Variants in GRID2 observed in about 807,000 individuals in gnomAD.
GRID2 encodes glutamate receptor ionotropic, delta-2.
A neutral mutation model predicts 114.8 loss-of-function variants in GRID2; 33 were observed. That is an observed-to-expected ratio of 0.29 (90% CI 0.22 to 0.38). GRID2 has a LOEUF of 0.38. Ranked by LOEUF, GRID2 falls within the 10% of genes least tolerant of loss-of-function variation. The probability of loss-of-function intolerance (pLI) is 1.00; values close to 1 mark genes in which losing one functional copy is unlikely to be tolerated. For missense variants in GRID2, 1,184 were observed against 1,257.7 expected (o/e 0.94, Z 0.89); for synonymous variants, 505 against 449.9 (o/e 1.12, Z -1.55).
intron 8 of GRID2, among the ~76,000 whole-genome samples, chr4:93,261,463 T>G (rs2149550063): frequency 6.6e-6 from 1 of 151,848 alleles, no homozygotes; most frequent in Admixed American, 6.6e-5. Context: ...TGAAATCCTA[T>G]AATTAAGCAC....
At chr4:93,185,348 A>G (rs1193886658) in intron 4 of GRID2, among the ~76,000 whole-genome samples, 2 of 152,130 alleles carry the variant, frequency 1.3e-5, no homozygotes, top group Admixed American at 1.3e-4. Flanking sequence ...TCTTTTATTT[A>G]CCCTGGGAAT....
intron 14 of GRID2, among the ~76,000 whole-genome samples, chr4:93,678,087 C>G (rs1321071055): frequency 1.3e-5 from 2 of 152,166 alleles, no homozygotes; most frequent in East Asian, 3.9e-4. Flanking sequence ...CTTAAAGGAG[C>G]TGATGGAGCC....
At chr4:93,515,650 C>T (rs1356102124) in intron 13 of GRID2, among the ~76,000 whole-genome samples, 1 of 152,122 alleles carries the variant, frequency 6.6e-6, no homozygotes, top group African/African-American at 2.4e-5. Flanking sequence ...CAAATACACA[C>T]ACTGGTATTT....
chr4:93,173,828 T>C (rs765184847), intron 4 of GRID2, among the ~76,000 whole-genome samples: 4 of 152,090 alleles, frequency 2.6e-5, no homozygotes, highest in Non-Finnish European at 5.9e-5. Flanking sequence ...GACAGGGTCT[T>C]GCTATTTGCC....
In GRID2 at chr4:93,596,142, G is replaced by A. The variant is rs558561070; in HGVS notation, c.2194-30127G>A. On this transcript the variant is annotated intron_variant, in intron 13 of 15. Transcript: ENST00000282020. ...TGTTTATTATCTAGTTCACTATTGA[G>A]CCATTCAGATACAAATTAGCCCTAG... 4.3e-4 allele frequency among the ~76,000 whole-genome samples: 66 copies of A among 152,206 alleles called. No individual in the cohort carries two copies. The South Asian group carries it at 0.013, about 30-fold the overall frequency.
intron 13 of GRID2, among the ~76,000 whole-genome samples, chr4:93,546,092 TAAGA>T (rs1733184395): frequency 6.6e-6 from 1 of 152,210 alleles, no homozygotes; most frequent in Admixed American, 6.5e-5. Context: ...GAGATTGCTC[TAAGA>T]AAGACCTGAT....
At chr4:92,429,992 A>C (rs2110339062) in intron 1 of GRID2, among the ~76,000 whole-genome samples, 1 of 152,230 alleles carries the variant, frequency 6.6e-6, no homozygotes, top group Non-Finnish European at 1.5e-5. Flanking sequence ...CTCCTTATAT[A>C]TCTGGTTATT....
chr4:93,537,378 A>G (rs1224339875), intron 13 of GRID2, among the ~76,000 whole-genome samples: 2 of 151,788 alleles, frequency 1.3e-5, no homozygotes, highest in Admixed American at 6.6e-5. Context: ...GATTTTGCCT[A>G]CAAGGAATTT....
intron 8 of GRID2, among the ~76,000 whole-genome samples, chr4:93,243,889 ATT>A (rs1331044908): frequency 6.6e-6 from 1 of 152,074 alleles, no homozygotes; most frequent in Admixed American, 6.6e-5. Context: ...TCAAAGTCAA[ATT>A]TTGAAATCGC....
chr4:92,425,387 T>C (rs570776595), intron 1 of GRID2, among the ~76,000 whole-genome samples: 1 of 151,956 alleles, frequency 6.6e-6, no homozygotes, highest in Non-Finnish European at 1.5e-5. Context: ...AAAAACACAA[T>C]GGAATAAAAA....
chr4:92,859,390 A>T (rs1000166960), intron 2 of GRID2, among the ~76,000 whole-genome samples: 6 of 152,182 alleles, frequency 3.9e-5, no homozygotes, highest in African/African-American at 1.2e-4. Context: ...GAAACCAAAA[A>T]ATTCATGTAA....
At chr4:92,535,087 T>G (rs1182723755) in intron 1 of GRID2, among the ~76,000 whole-genome samples, 1 of 152,208 alleles carries the variant, frequency 6.6e-6, no homozygotes, top group African/African-American at 2.4e-5. Flanking sequence ...ATGGGCTAAC[T>G]ATCCAGTTTT....
chr4:92,901,784 CA>C (rs1183836952), intron 2 of GRID2, among the ~76,000 whole-genome samples: 2 of 151,664 alleles, frequency 1.3e-5, no homozygotes, highest in Non-Finnish European at 2.9e-5. Flanking sequence ...AGGATATTTG[CA>C]TGTATGTTTA....
chr4:93,629,845 T>G (rs903266445), intron 14 of GRID2, among the ~76,000 whole-genome samples: 1 of 152,168 alleles, frequency 6.6e-6, no homozygotes, highest in Non-Finnish European at 1.5e-5. Flanking sequence ...CCAGACGTCT[T>G]ATATGTTTAT....
chr4:93,289,513 C>T (rs1753519500), intron 8 of GRID2, among the ~76,000 whole-genome samples: 1 of 152,044 alleles, frequency 6.6e-6, no homozygotes, highest in African/African-American at 2.4e-5. Flanking sequence ...AATTAGGTTT[C>T]CTCCAGTTCA....
intron 2 of GRID2, among the ~76,000 whole-genome samples, chr4:92,693,966 A>G (rs1277522761): frequency 6.6e-6 from 1 of 152,130 alleles, no homozygotes; most frequent in Non-Finnish European, 1.5e-5. Flanking sequence ...GTTAAGAAAT[A>G]AGGGAGAGGT....
chr4:93,633,471 C>G (rs1721128062), intron 14 of GRID2, among the ~76,000 whole-genome samples: 1 of 152,088 alleles, frequency 6.6e-6, no homozygotes, highest in Non-Finnish European at 1.5e-5. Context: ...TTGTACATCT[C>G]TAGTGCCCAC....
At chr4:92,393,052 T>A (rs999588248) in intron 1 of GRID2, among the ~76,000 whole-genome samples, 1 of 152,128 alleles carries the variant, frequency 6.6e-6, no homozygotes, top group African/African-American at 2.4e-5. Context: ...GAGCTTTTAC[T>A]CATGGGGGAA....
chr4:92,740,392 C>T (rs1736815112), intron 2 of GRID2, among the ~76,000 whole-genome samples: 1 of 152,174 alleles, frequency 6.6e-6, no homozygotes, highest in South Asian at 2.1e-4. Context: ...TCTGTATCTT[C>T]AAGCACATCC....
Sources: gnomAD v4.1 joint callset for allele counts (sites outside exome capture counted in the v4.1 genomes callset) on GRCh38, gnomAD v4.1.1 for gene constraint, MANE v1.5 for transcripts, NCBI Gene and HGNC (gene_info 2026-07-23, HGNC 2026-07-21) for gene names.